The following ADGRD1 variants were observed in gnomAD, a reference collection of about 807,000 sequenced individuals.
The protein encoded by ADGRD1 is adhesion G protein-coupled receptor D1.
A neutral mutation model predicts 113.4 loss-of-function variants in ADGRD1; 77 were observed. The observed-to-expected ratio is 0.68, with a 90% confidence interval of 0.57 to 0.82. The LOEUF (loss-of-function observed/expected upper bound fraction) is 0.82. Among genes scored for constraint, ADGRD1 ranks in the 40% least tolerant of loss-of-function variants. The pLI, the probability that ADGRD1 is intolerant of heterozygous loss-of-function variation, is 0.00. For missense variants in ADGRD1, 1,036 were observed against 1,139.1 expected (o/e 0.91, Z 1.30); for synonymous variants, 474 against 475.0 (o/e 1.00, Z 0.03).
intron 4 of ADGRD1, among the ~76,000 whole-genome samples, chr12:130,976,540 A>G (rs1411528932): frequency 1.3e-5 from 2 of 152,032 alleles, no homozygotes; most frequent in Non-Finnish European, 2.9e-5. Context: ...CTCATGTGAT[A>G]CCACATCCCG....
intron 15 of ADGRD1, among the ~76,000 whole-genome samples, chr12:131,099,857 T>C (rs1188620876): frequency 6.6e-6 from 1 of 152,220 alleles, no homozygotes; most frequent in Non-Finnish European, 1.5e-5. Flanking sequence ...GTCTTTCTTT[T>C]TAGTACTCCC....
At position 131,016,871 on chromosome 12, in the gene ADGRD1, C is replaced by T. The variant is rs556343271; in HGVS notation, c.1473+2531C>T. Among the ~76,000 whole-genome samples, 4 of 144,388 alleles carry T rather than the reference C, an allele frequency of 2.8e-5. No homozygotes were observed. The South Asian group carries it at 6.8e-4, about 24-fold the overall frequency. 94.7% of individuals were successfully genotyped at this position (144,388 alleles called of 152,430 possible). A position where few individuals can be genotyped will look rare whatever the true frequency, so the allele number is the denominator to read the frequency against. ...TCGGGCCAGTGCGTTCCAGCCTGGG[C>T]GATAGAGTGAGACTCTGCCTCAAAA... is the stretch of plus-strand genomic sequence containing the variant. On this transcript the variant is annotated intron_variant, in intron 13 of 24. Transcript: ENST00000261654.
chr12:131,006,109 C>G lies in ADGRD1; in HGVS notation c.1331+62C>G, dbSNP rs1415568537. ...GTGCGTGGGTTTGCTGGGTGGCTGGCCACAGGGATGCCCGCCCCACACGCA... is the reference window on the plus strand; with the variant it reads ...GTGCGTGGGTTTGCTGGGTGGCTGGGCACAGGGATGCCCGCCCCACACGCA... On this transcript the variant is annotated intron_variant, in intron 12 of 24. Transcript: ENST00000261654. 12 of 1,378,602 alleles carry G rather than the reference C, an allele frequency of 8.7e-6. No individual in the cohort carries two copies. The Admixed American group carries it at 1.9e-4, about 21-fold the overall frequency. 85.4% of individuals were successfully genotyped at this position (1,378,602 alleles called of 1,614,324 possible). A position where few individuals can be genotyped will look rare whatever the true frequency, so the allele number is the denominator to read the frequency against.
At chr12:131,080,253 G>C (rs1007671955) in intron 14 of ADGRD1, among the ~76,000 whole-genome samples, 1 of 152,160 alleles carries the variant, frequency 6.6e-6, no homozygotes, top group Non-Finnish European at 1.5e-5. Context: ...TTTGAAGTGT[G>C]TAGTTTAATT....
At chr12:131,135,340 T>A (rs1392842885) in intron 21 of ADGRD1, among the ~76,000 whole-genome samples, 3 of 152,172 alleles carry the variant, frequency 2.0e-5, no homozygotes, top group Non-Finnish European at 4.4e-5. Flanking sequence ...AGAGGGCCCA[T>A]GGGCTCTAGG....
rs936304621 is a variant in ADGRD1, at chr12:131,050,143, A to G, written c.1474-26658A>G. ...ATTCAGTGTGTCCTCCTGGGCCAGC[A>G]CAAACCTCATCGCCTCTTGGTGGCC... On this transcript the variant is annotated intron_variant, in intron 13 of 24. Transcript: ENST00000261654. The surrounding 1 kb of genome is among the most constrained non-coding windows in gnomAD (Gnocchi z 4.8). Among the ~76,000 whole-genome samples the G allele has an allele frequency of 6.6e-6, 1 of 152,148 alleles. No homozygotes were observed. Among genetic ancestry groups the G allele is most frequent in the African/African-American group, 2.4e-5 (1 of 41,432 alleles).
At chr12:131,037,003 G>T (rs1881523505) in intron 13 of ADGRD1, among the ~76,000 whole-genome samples, 1 of 134,068 alleles carries the variant, frequency 7.5e-6, no homozygotes, top group African/African-American at 2.8e-5. Context: ...CACTGCACCG[G>T]GTCTCACTCA....
rs1951238889 is a variant in ADGRD1, at chr12:131,141,261, T to C, written c.*1998T>C. On this transcript the variant is annotated 3_prime_UTR_variant, in exon 25 of 25. Coordinates refer to ENST00000261654, the MANE Select transcript of ADGRD1 (RefSeq NM_198827.5). Reference sequence around the variant, plus strand: ...AATGAACAAAACCTGTCTAAACCTTTTGTTTCCAATGAATGAAAGTCATGC... The same window carrying C: ...AATGAACAAAACCTGTCTAAACCTTCTGTTTCCAATGAATGAAAGTCATGC... 6.6e-6 allele frequency: 1 copy of C among 152,226 alleles called. No individual in the cohort carries two copies. Among genetic ancestry groups the C allele is most frequent in the African/African-American group, 2.4e-5 (1 of 41,456 alleles). The allele number at this position is 152,226 out of a possible 1,614,324, so 9.4% of individuals were successfully genotyped here. A position where few individuals can be genotyped will look rare whatever the true frequency, so the allele number is the denominator to read the frequency against.
intron 13 of ADGRD1, 37 bp downstream of exon 13, chr12:131,014,377 G>T (rs376153673): frequency 1.9e-6 from 3 of 1,587,360 alleles, no homozygotes; most frequent in Non-Finnish European, 2.6e-6. Flanking sequence ...CGCCGCCTTT[G>T]ATCTGGTTTC....
chr12:130,968,916 G>A (rs80224014), intron 3 of ADGRD1: 2 of 913,180 alleles, frequency 2.2e-6, no homozygotes, highest in East Asian at 5.3e-5. Flanking sequence ...AGATATGTTG[G>A]TCCCATTTGT....
In ADGRD1 at chr12:130,954,534, A is replaced by C. The variant is rs955694806; in HGVS notation, c.66+3A>C. Reference sequence around the variant, plus strand: ...TGCTATTTTATTACAACTTTCAGGTAATGTCCCCAAGTGGCCAGGATGGCG... The same window carrying C: ...TGCTATTTTATTACAACTTTCAGGTCATGTCCCCAAGTGGCCAGGATGGCG... On this transcript the variant is annotated splice_donor_region_variant and intron_variant, in intron 1 of 24. Coordinates refer to ENST00000261654, the MANE Select transcript of ADGRD1 (RefSeq NM_198827.5). This position sits in a 1 kb window ranked among gnomAD's most constrained non-coding sequence, Gnocchi z 4.7. 2 of 1,610,792 alleles carry C rather than the reference A, an allele frequency of 1.2e-6. No homozygotes were observed. Among genetic ancestry groups the C allele is most frequent in the Admixed American group, 3.4e-5 (2 of 59,666 alleles).
intron 12 of ADGRD1, among the ~76,000 whole-genome samples, chr12:131,009,820 T>A (rs1877645903): frequency 1.3e-5 from 2 of 152,216 alleles, no homozygotes; most frequent in Admixed American, 1.3e-4. Flanking sequence ...ATGTGTGGTA[T>A]GTGTGTGTCA....
At chr12:131,047,346 G>A (rs1023647249) in intron 13 of ADGRD1, among the ~76,000 whole-genome samples, 7 of 152,282 alleles carry the variant, frequency 4.6e-5, no homozygotes, top group East Asian at 3.9e-4. Context: ...AGACTGCTCC[G>A]GTGTCCTCCG....
intron 2 of ADGRD1, among the ~76,000 whole-genome samples, chr12:130,963,409 G>A (rs370408390): frequency 2.1e-4 from 32 of 150,442 alleles, no homozygotes; most frequent in African/African-American, 7.4e-4. Flanking sequence ...CTTACATCTC[G>A]CACTCAGCTT....
At chr12:131,008,524 AC>A (rs1341302185) in intron 12 of ADGRD1, among the ~76,000 whole-genome samples, 7 of 152,138 alleles carry the variant, frequency 4.6e-5, no homozygotes, top group Admixed American at 2.6e-4. Context: ...GCCGGAAGGA[AC>A]TTTTGTCTCC....
intron 8 of ADGRD1, among the ~76,000 whole-genome samples, chr12:130,996,677 C>A (rs1450026721): frequency 2.0e-5 from 2 of 102,224 alleles, no homozygotes; most frequent in Non-Finnish European, 4.3e-5. Context: ...CCACCTCCCT[C>A]CCAGACGGGG....
intron 13 of ADGRD1, among the ~76,000 whole-genome samples, chr12:131,062,236 G>A (rs899731312): frequency 2.0e-5 from 3 of 152,112 alleles, no homozygotes; most frequent in South Asian, 2.1e-4. Flanking sequence ...CTTGTGATCC[G>A]CTTGCCTTGG....
chr12:131,023,279 G>C (rs1440135151), intron 13 of ADGRD1: 1 of 152,198 alleles, frequency 6.6e-6, no homozygotes, highest in African/African-American at 2.4e-5. Flanking sequence ...TTCATCTGCT[G>C]TCACTGGTAC....
chr12:131,047,609 C>CGGGCTG (rs1181591975), intron 13 of ADGRD1, among the ~76,000 whole-genome samples: 3 of 152,154 alleles, frequency 2.0e-5, no homozygotes, highest in Non-Finnish European at 4.4e-5. Context: ...CTTCCTCTGC[C>CGGGCTG]GGGCTGGGGC....
Sources: gnomAD v4.1 joint callset for allele counts (sites outside exome capture counted in the v4.1 genomes callset) on GRCh38, gnomAD v4.1.1 for gene constraint, Gnocchi (gnomAD v3.1) non-coding constraint, MANE v1.5 for transcripts, NCBI Gene and HGNC (gene_info 2026-07-23, HGNC 2026-07-21) for gene names.